The following GPC5 variants were observed in gnomAD, a reference collection of about 807,000 sequenced individuals.
The protein encoded by GPC5 is glypican 5, also known as glypican-5.
GPC5 carries 47 observed loss-of-function variants against 53.9 expected under a neutral mutation model. The observed-to-expected ratio is 0.87, with a 90% CI of 0.69 to 1.11. GPC5 has a LOEUF of 1.11. GPC5 is among the 50% of genes most tolerant of loss of function. GPC5 has a pLI of 0.00. For synonymous variants in GPC5, 286 were observed against 263.3 expected, an observed-to-expected ratio of 1.09 and a Z score of -0.84; for missense variants, 748 against 713.1, an observed-to-expected ratio of 1.05 and a Z score of -0.56.
intron 6 of GPC5, among the ~76,000 whole-genome samples, chr13:91,953,440 C>T (rs2040045236): frequency 6.6e-6 from 1 of 151,894 alleles, no homozygotes; most frequent in Non-Finnish European, 1.5e-5. Context: ...GTAGTAGCTA[C>T]CGAGTATGTA....
chr13:92,454,984 G>A (rs952151293), intron 7 of GPC5, among the ~76,000 whole-genome samples: 2 of 152,162 alleles, frequency 1.3e-5, no homozygotes, highest in Admixed American at 1.3e-4. Context: ...TGAGGGAGAT[G>A]AGCTGTATCT....
chr13:92,494,036 T>G (rs1397414040), intron 7 of GPC5, among the ~76,000 whole-genome samples: 1 of 146,086 alleles, frequency 6.8e-6, no homozygotes, highest in Non-Finnish European at 1.5e-5. Context: ...ACACTGGACA[T>G]TAAAAGAATT....
chr13:91,517,811 G>A (rs543854681), intron 2 of GPC5, among the ~76,000 whole-genome samples: 26 of 152,338 alleles, frequency 1.7e-4, no homozygotes, highest in African/African-American at 5.5e-4. Flanking sequence ...TTCTTACATG[G>A]TGGTGGCAAG....
At chr13:91,801,294 T>TGTGTGTGTG (rs1566271007) in intron 5 of GPC5, among the ~76,000 whole-genome samples, 18 of 150,030 alleles carry the variant, frequency 1.2e-4, no homozygotes, top group South Asian at 4.2e-4. Flanking sequence ...TGTGTGTGTG[T>TGTGTGTGTG]TTTCTTCAGA....
Position 92,165,845 on chromosome 13 carries a change from T to G in GPC5, c.1561+20856T>G, listed in dbSNP as rs77519875. Among the ~76,000 whole-genome samples, 37 of 152,334 alleles carry G rather than the reference T, an allele frequency of 2.4e-4. No homozygotes were observed. The East Asian group carries it at 4.8e-3, about 20-fold the overall frequency. ...TAACATATGTAATCTTAAAACTCTA[T>G]ATGATAGGTAATATTGCCAATTTTT... On this transcript the variant is annotated intron_variant, in intron 7 of 7. Coordinates refer to ENST00000377067, the MANE Select transcript of GPC5 (RefSeq NM_004466.6).
At chr13:91,929,604 A>G (rs1329256101) in intron 6 of GPC5, among the ~76,000 whole-genome samples, 1 of 151,656 alleles carries the variant, frequency 6.6e-6, no homozygotes, top group African/African-American at 2.4e-5. Flanking sequence ...GAAATTTTTC[A>G]CTTGATTTAA....
intron 6 of GPC5, among the ~76,000 whole-genome samples, chr13:91,948,568 G>T (rs1184780999): frequency 6.6e-6 from 1 of 152,062 alleles, no homozygotes; most frequent in Non-Finnish European, 1.5e-5. Context: ...AATCAACTAA[G>T]TTATTTGTTA....
chr13:91,800,887 A>T (rs2038124201), intron 5 of GPC5, among the ~76,000 whole-genome samples: 1 of 152,040 alleles, frequency 6.6e-6, no homozygotes, highest in South Asian at 2.1e-4. Flanking sequence ...TAGTGTCTTT[A>T]TAAGATAAAT....
At chr13:91,918,206 A>C (rs1281546499) in intron 6 of GPC5, among the ~76,000 whole-genome samples, 3 of 152,100 alleles carry the variant, frequency 2.0e-5, no homozygotes, top group Admixed American at 6.5e-5. Flanking sequence ...CATGAGACTC[A>C]CTCACTATCA....
chr13:92,053,988 C>T (rs1354773562), intron 6 of GPC5, among the ~76,000 whole-genome samples: 4 of 150,978 alleles, frequency 2.6e-5, no homozygotes, highest in East Asian at 1.9e-4. Flanking sequence ...GCTGAGATCG[C>T]GCCACTGCAC....
intron 6 of GPC5, among the ~76,000 whole-genome samples, chr13:91,986,992 T>A (rs1233056897): frequency 6.6e-6 from 1 of 152,202 alleles, no homozygotes; most frequent in Non-Finnish European, 1.5e-5. Flanking sequence ...AGGGATTAAT[T>A]GTCAGTTGGT....
chr13:92,570,048 C>CTG (rs904202822), intron 7 of GPC5, among the ~76,000 whole-genome samples: 4 of 152,116 alleles, frequency 2.6e-5, no homozygotes, highest in African/African-American at 9.7e-5. Flanking sequence ...TTACCAATGA[C>CTG]TGTGTAGAAC....
intron 6 of GPC5, among the ~76,000 whole-genome samples, chr13:92,068,031 A>T (rs9589417): frequency 5.3e-5 from 8 of 151,866 alleles, no homozygotes; most frequent in African/African-American, 9.7e-5. Flanking sequence ...GTTTTGGAAA[A>T]TTTTTTTAAA....
Position 91,398,910 on chromosome 13 carries a change from G to T in GPC5, c.-137G>T. 1 of 1,074,138 alleles carries T rather than the reference G, an allele frequency of 9.3e-7. No individual in the cohort carries two copies. The highest frequency in any genetic ancestry group is 1.6e-5 in the African/African-American group (1 of 61,336). The allele number at this position is 1,074,138 out of a possible 1,614,324, so 66.5% of individuals were successfully genotyped here. On this transcript the variant is annotated 5_prime_UTR_variant, in exon 1 of 8. Coordinates refer to ENST00000377067, the MANE Select transcript of GPC5 (RefSeq NM_004466.6). ...GCTCCCAGGTGAAGCCGGTGCCCGC[G>T]GGCGGTCCGTACACCCCGCAGCCGG...
chr13:91,768,752 A>G (rs933545737), intron 5 of GPC5, among the ~76,000 whole-genome samples: 4 of 151,692 alleles, frequency 2.6e-5, no homozygotes, highest in African/African-American at 9.7e-5. Context: ...TATAACAAGC[A>G]ATGTATATTT....
At chr13:92,151,018 T>C (rs905453307) in intron 7 of GPC5, among the ~76,000 whole-genome samples, 1 of 152,106 alleles carries the variant, frequency 6.6e-6, no homozygotes, top group Admixed American at 6.5e-5. Flanking sequence ...TGATGTCATT[T>C]TGTTGTGAAT....
chr13:92,607,266 C>G (rs949717597), intron 7 of GPC5, among the ~76,000 whole-genome samples: 3 of 152,184 alleles, frequency 2.0e-5, no homozygotes, highest in African/African-American at 7.2e-5. Flanking sequence ...TTACCCTACT[C>G]TTCCCCAAGA....
At chr13:92,349,299 A>G (rs2043454881) in intron 7 of GPC5, among the ~76,000 whole-genome samples, 1 of 152,046 alleles carries the variant, frequency 6.6e-6, no homozygotes, top group South Asian at 2.1e-4. Flanking sequence ...ATGCGCCATG[A>G]CAGCTGGCTA....
At chr13:92,596,253 C>T (rs759802438) in intron 7 of GPC5, among the ~76,000 whole-genome samples, 1 of 152,034 alleles carries the variant, frequency 6.6e-6, no homozygotes, top group East Asian at 1.9e-4. Context: ...GAAAATATCA[C>T]TTACTTTGGG....
Sources: allele counts gnomAD v4.1 joint callset (sites outside exome capture counted in the v4.1 genomes callset), GRCh38; gene constraint gnomAD v4.1.1; transcripts MANE v1.5; gene names NCBI Gene and HGNC (gene_info 2026-07-23, HGNC 2026-07-21).